CC2D2B: variants seen among roughly 807,000 people sequenced by gnomAD.
CC2D2B encodes protein CC2D2B.
Under a neutral mutation model 161.2 loss-of-function variants are expected in CC2D2B, and 128 were observed. That is an observed-to-expected ratio of 0.79 (90% CI 0.69 to 0.92). CC2D2B has a LOEUF of 0.92. Ranked by LOEUF, CC2D2B falls within the 40% of genes least tolerant of loss-of-function variation. CC2D2B has a pLI of 0.00. For missense variants in CC2D2B, 1,173 were observed against 1,375.1 expected, an observed-to-expected ratio of 0.85 and a Z score of 2.32; for synonymous variants, 391 against 449.8, an observed-to-expected ratio of 0.87 and a Z score of 1.65.
At chr10:96,019,524 G>A (rs4918984) in intron 31 of CC2D2B, 178 bp from the exon 32 acceptor site, 504,673 of 806,732 alleles carry the variant, frequency 0.63, 160,382 homozygotes, top group East Asian at 0.85. Context: ...GATGAGAACC[G>A]TTGAGGTAGT....
chr10:95,998,711 G>T (rs563228426), intron 24 of CC2D2B, among the ~76,000 whole-genome samples: 4 of 152,244 alleles, frequency 2.6e-5, no homozygotes, highest in East Asian at 3.9e-4. Context: ...TTCCACAGGG[G>T]AGGTCAGTCT....
intron 6 of CC2D2B, among the ~76,000 whole-genome samples, chr10:95,934,649 C>G (rs971994736): frequency 6.6e-6 from 1 of 152,100 alleles, no homozygotes; most frequent in Non-Finnish European, 1.5e-5. Flanking sequence ...AGGGAGTTCC[C>G]CAACCCCTTA....
At chr10:95,943,820 A>G (rs2076103068) in intron 9 of CC2D2B, among the ~76,000 whole-genome samples, 1 of 152,140 alleles carries the variant, frequency 6.6e-6, no homozygotes, top group Non-Finnish European at 1.5e-5. Context: ...ACATTATTAT[A>G]TATGAAAAAT....
At chr10:95,968,612 T>C (rs559263395) in intron 14 of CC2D2B, 112 bp from the exon 15 acceptor site, 78 of 423,872 alleles carry the variant, frequency 1.8e-4, no homozygotes, top group African/African-American at 1.5e-3. Context: ...AAGATAACAT[T>C]TGTCCTCTGA....
chr10:96,006,188 C>T (rs929782857), intron 25 of CC2D2B, among the ~76,000 whole-genome samples: 3 of 147,500 alleles, frequency 2.0e-5, no homozygotes, highest in Non-Finnish European at 4.4e-5. Context: ...TTACTTTGGC[C>T]AAATGTATTG....
chr10:96,004,259 A>G lies in CC2D2B; in HGVS notation c.2946+11A>G. Reference sequence around the variant, plus strand: ...ACTGAAAAACATGAGGTAAAGTAGAATAATTACAATAGCCAATGCTGAAAT... The same window carrying G: ...ACTGAAAAACATGAGGTAAAGTAGAGTAATTACAATAGCCAATGCTGAAAT... On this transcript the variant is annotated intron_variant, in intron 25 of 34. Transcript: ENST00000646931. 2 of 1,266,834 alleles carry G rather than the reference A, an allele frequency of 1.6e-6. No individual in the cohort carries two copies. The highest frequency in any genetic ancestry group is 2.2e-6 in the Non-Finnish European group (2 of 905,840). 78.5% of individuals were successfully genotyped at this position (1,266,834 alleles called of 1,614,324 possible).
intron 30 of CC2D2B, chr10:96,018,968 TAAA>T (rs879751715): frequency 1.5e-5 from 5 of 335,250 alleles, no homozygotes; most frequent in Non-Finnish European, 2.7e-5. Context: ...CCCAGCAAAT[TAAA>T]AAAAAAATTT....
intron 14 of CC2D2B, among the ~76,000 whole-genome samples, chr10:95,968,003 T>C (rs1160838191): frequency 6.6e-6 from 1 of 152,174 alleles, no homozygotes; most frequent in Non-Finnish European, 1.5e-5. Flanking sequence ...ACTAGGAAAA[T>C]ATTCAATAAA....
At chr10:96,003,024 AT>A (rs67274962) in intron 24 of CC2D2B, among the ~76,000 whole-genome samples, 24,389 of 104,738 alleles carry the variant, frequency 0.23, 2,633 homozygotes, top group East Asian at 0.69. Context: ...ATAAATAAAT[AT>A]ATATATATAT....
intron 22 of CC2D2B, among the ~76,000 whole-genome samples, chr10:95,993,894 G>A (rs752508428): frequency 1.9e-5 from 2 of 103,076 alleles, no homozygotes; most frequent in African/African-American, 7.7e-5. Context: ...TATATAGAGA[G>A]AGAGAATGTG....
chr10:95,938,077 GA>G lies in CC2D2B; in HGVS notation c.426del (p.Glu143AsnfsTer4). ...VAESEEEEFM[K>X]EFILTDILKV... ...CTGAGAGTGAAGAGGAAGAGTTTATGAAAGAATTCATTTTGACAGATATACT... is the reference window on the plus strand; with the variant it reads ...CTGAGAGTGAAGAGGAAGAGTTTATGAAGAATTCATTTTGACAGATATACT... On this transcript the variant is annotated frameshift_variant, in exon 7 of 35. Transcript: ENST00000646931. LOFTEE classifies it high-confidence loss of function. 6.5e-7 allele frequency: 1 copy of G among 1,550,038 alleles called. No homozygotes were observed. Among genetic ancestry groups the G allele is most frequent in the Non-Finnish European group, 8.7e-7 (1 of 1,145,580 alleles).
Position 96,033,209 on chromosome 10 carries a change from CT to C in CC2D2B, c.*1202del, listed in dbSNP as rs2080115605. ...CAGAGAGCAGAGACCCCAAATGTAT[CT>C]GCAGGGAATACCCAATCTGTATCTG... On this transcript the variant is annotated 3_prime_UTR_variant, in exon 35 of 35. Transcript: ENST00000646931. 6.6e-6 allele frequency among the ~76,000 whole-genome samples: 1 copy of C among 152,150 alleles called. No homozygotes were observed. Among genetic ancestry groups the C allele is most frequent in the Non-Finnish European group, 1.5e-5 (1 of 68,030 alleles).
chr10:96,026,342 A>G (rs2079774369), intron 33 of CC2D2B, among the ~76,000 whole-genome samples: 1 of 152,126 alleles, frequency 6.6e-6, no homozygotes, highest in South Asian at 2.1e-4. Context: ...TAGGGGCTGG[A>G]TATATATGGG....
chr10:96,027,974 G>A (rs182414552), intron 34 of CC2D2B, among the ~76,000 whole-genome samples: 1 of 152,232 alleles, frequency 6.6e-6, no homozygotes, highest in African/African-American at 2.4e-5. Context: ...GTCACTTTAT[G>A]CAAAATCAAA....
chr10:96,005,191 TC>T (rs1489203474), intron 25 of CC2D2B, among the ~76,000 whole-genome samples: 2 of 152,204 alleles, frequency 1.3e-5, no homozygotes, highest in African/African-American at 4.8e-5. Flanking sequence ...CAAAAGAATG[TC>T]TAACAAATTT....
chr10:95,979,910 T>C (rs1027169406), intron 17 of CC2D2B, among the ~76,000 whole-genome samples: 8 of 152,232 alleles, frequency 5.3e-5, no homozygotes, highest in East Asian at 3.8e-4. Flanking sequence ...ATGTTATGTA[T>C]ATTTTACCTC....
intron 14 of CC2D2B, 73 bp from the exon 15 acceptor site, chr10:95,968,651 A>G: frequency 1.8e-6 from 1 of 547,216 alleles, no homozygotes; most frequent in Non-Finnish European, 2.8e-6. Context: ...ATGCTAATAT[A>G]CATTTTGAAA....
chr10:95,968,539 T>G (rs1034517923), intron 14 of CC2D2B, among the ~76,000 whole-genome samples, 185 bp from the exon 15 acceptor site: 1 of 152,206 alleles, frequency 6.6e-6, no homozygotes, highest in Non-Finnish European at 1.5e-5. Context: ...TCTCTTTCAT[T>G]AAAAACATTT....
intron 10 of CC2D2B, chr10:95,952,430 G>A (rs1458275005): frequency 6.6e-6 from 1 of 152,138 alleles, no homozygotes; most frequent in Non-Finnish European, 1.5e-5. Flanking sequence ...CTCATGGTTT[G>A]GACATCCTTT....
Sources: gnomAD v4.1 joint callset for allele counts (sites outside exome capture counted in the v4.1 genomes callset) on GRCh38, gnomAD v4.1.1 for gene constraint, MANE v1.5 for transcripts, NCBI Gene and HGNC (gene_info 2026-07-23, HGNC 2026-07-21) for gene names.